Variants in LRP1B observed in about 807,000 individuals in gnomAD.
The protein encoded by LRP1B is LDL receptor related protein 1B.
Under a neutral mutation model 556.6 loss-of-function variants are expected in LRP1B, and 217 were observed. The observed-to-expected ratio is 0.39, with a 90% confidence interval of 0.35 to 0.44. The LOEUF (loss-of-function observed/expected upper bound fraction) is 0.44. Ranked by LOEUF, LRP1B falls within the 20% of genes least tolerant of loss-of-function variation. LRP1B has a pLI of 1.00. For missense variants in LRP1B, 5,053 were observed against 5,620.8 expected (o/e 0.90, Z 3.23); for synonymous variants, 2,047 against 1,865.8 (o/e 1.10, Z -2.50).
intron 6 of LRP1B, 152 bp downstream of exon 6, chr2:141,229,031 C>A (rs769591222): frequency 2.8e-6 from 2 of 723,478 alleles, no homozygotes; most frequent in Admixed American, 2.8e-5. Flanking sequence ...ATATGCAAAA[C>A]ATGTAGTGAA....
intron 41 of LRP1B, among the ~76,000 whole-genome samples, chr2:140,622,451 A>G (rs954869400): frequency 1.3e-5 from 2 of 152,142 alleles, no homozygotes; most frequent in Non-Finnish European, 2.9e-5. Flanking sequence ...CAGTAATCCA[A>G]TCACTGGAGA....
chr2:140,679,635 C>T (rs577104876), intron 41 of LRP1B, among the ~76,000 whole-genome samples: 71 of 152,310 alleles, frequency 4.7e-4, no homozygotes, highest in African/African-American at 1.6e-3. Context: ...TGTGGTGGCT[C>T]GGGTTTCCGT....
At chr2:141,779,573 C>T (rs539225727) in intron 2 of LRP1B, among the ~76,000 whole-genome samples, 83 of 152,004 alleles carry the variant, frequency 5.5e-4, no homozygotes, top group African/African-American at 1.7e-3. Flanking sequence ...CCCACCACCA[C>T]GCCCAGCTAA....
intron 72 of LRP1B, among the ~76,000 whole-genome samples, chr2:140,361,545 C>A (rs1187804751): frequency 6.6e-6 from 1 of 150,550 alleles, no homozygotes; most frequent in Non-Finnish European, 1.5e-5. Flanking sequence ...TTTTCTGGAA[C>A]TCATTTTCCC....
At chr2:141,486,316 C>T (rs1683121027) in intron 2 of LRP1B, among the ~76,000 whole-genome samples, 1 of 152,148 alleles carries the variant, frequency 6.6e-6, no homozygotes. Context: ...ACAAATAATG[C>T]TCCCAGGATA....
At position 142,130,898 on chromosome 2, in the gene LRP1B, T is replaced by G. The variant is rs1214382874; in HGVS notation, c.-169A>C. On this transcript the variant is annotated 5_prime_UTR_variant, in exon 1 of 91. Transcript: ENST00000389484. ...TGAGTCCAGCCAGTCAGCCTTCTCC[T>G]GCCTGGAGCAGGATGTGGAAGGTGG... 1.8e-5 allele frequency: 12 copies of G among 668,792 alleles called. No individual in the cohort carries two copies. Among genetic ancestry groups the G allele is most frequent in the Admixed American group, 8.9e-5 (4 of 45,182 alleles). The allele number at this position is 668,792 out of a possible 1,614,324, so 41.4% of individuals were successfully genotyped here. A position where few individuals can be genotyped will look rare whatever the true frequency, so the allele number is the denominator to read the frequency against.
At chr2:140,876,473 A>G (rs1693308710) in intron 25 of LRP1B, among the ~76,000 whole-genome samples, 1 of 152,176 alleles carries the variant, frequency 6.6e-6, no homozygotes, top group South Asian at 2.1e-4. Context: ...TATTTTATCA[A>G]GGCTTTGACT....
intron 83 of LRP1B, among the ~76,000 whole-genome samples, chr2:140,308,541 C>G (rs1267887320): frequency 6.6e-6 from 1 of 151,796 alleles, no homozygotes; most frequent in Admixed American, 6.6e-5. Flanking sequence ...TGAACCATGA[C>G]GCTTACCCCC....
intron 49 of LRP1B, 93 bp downstream of exon 49, chr2:140,525,751 T>C (rs1353842459): frequency 3.9e-5 from 45 of 1,153,840 alleles, no homozygotes; most frequent in Non-Finnish European, 5.4e-5. Context: ...ATAATTGATA[T>C]TAAGAATAAA....
At chr2:140,555,627 G>A (rs1341427608) in intron 43 of LRP1B, among the ~76,000 whole-genome samples, 2 of 151,998 alleles carry the variant, frequency 1.3e-5, no homozygotes, top group South Asian at 2.1e-4. Flanking sequence ...TGTTAAATAA[G>A]CTTTAAAATC....
chr2:140,321,645 A>C (rs991448660), intron 82 of LRP1B, among the ~76,000 whole-genome samples: 12 of 151,664 alleles, frequency 7.9e-5, no homozygotes, highest in Admixed American at 6.6e-4. Context: ...CCCATAGCAG[A>C]ATGTTCTCAA....
intron 21 of LRP1B, among the ~76,000 whole-genome samples, chr2:140,916,992 A>C (rs1202456040): frequency 6.6e-6 from 1 of 152,172 alleles, no homozygotes; most frequent in East Asian, 1.9e-4. Context: ...CTATACAGAA[A>C]TATCATGTTT....
At chr2:140,510,461 T>C (rs11676154) in intron 51 of LRP1B, among the ~76,000 whole-genome samples, 14,456 of 152,252 alleles carry the variant, frequency 0.095, 994 homozygotes, top group East Asian at 0.33. Flanking sequence ...TATTAACTCA[T>C]TTATTCCTTA....
chr2:141,523,168 A>G (rs1262395984), intron 2 of LRP1B, among the ~76,000 whole-genome samples: 1 of 151,478 alleles, frequency 6.6e-6, no homozygotes, highest in Non-Finnish European at 1.5e-5. Flanking sequence ...GAATTTAAAC[A>G]TGCTCAGGGC....
chr2:142,115,531 AT>A (rs1707173885), intron 1 of LRP1B, among the ~76,000 whole-genome samples: 1 of 50,738 alleles, frequency 2.0e-5, no homozygotes, highest in African/African-American at 5.9e-5. Flanking sequence ...TATAATATAT[AT>A]ATTACATATG....
chr2:140,391,540 G>C (rs1434639345), intron 66 of LRP1B, among the ~76,000 whole-genome samples: 1 of 152,054 alleles, frequency 6.6e-6, no homozygotes, highest in African/African-American at 2.4e-5. Flanking sequence ...AAATTACCTT[G>C]CTATTAGAAT....
intron 2 of LRP1B, among the ~76,000 whole-genome samples, chr2:141,793,037 A>C (rs1367245197): frequency 6.6e-6 from 1 of 151,896 alleles, no homozygotes; most frequent in Non-Finnish European, 1.5e-5. Flanking sequence ...AGGATAAATT[A>C]CATTTTGGTT....
chr2:140,487,669 C>T lies in LRP1B; in HGVS notation c.9191G>A (p.Arg3064Gln), dbSNP rs1196321476. 22 of 1,604,874 alleles carry T rather than the reference C, an allele frequency of 1.4e-5. No homozygotes were observed. The highest frequency in any genetic ancestry group is 2.2e-5 in the East Asian group (1 of 44,458). Residue 3064 changes from arginine to glutamine, a missense_variant, in exon 58 of 91, where the codon CGA (arginine) becomes CAA (glutamine). Physicochemically the swap from Arg to Gln is conservative, Grantham distance 43. Coordinates refer to ENST00000389484, the MANE Select transcript of LRP1B (RefSeq NM_018557.3). ...TCTATTTATGCGACTGCCATTGGGT[C>T]GGCTAGAATCGATCCAATAGATGAA... is the stretch of plus-strand genomic sequence containing the variant. The part of the protein sequence containing the change: ...EEFIYWIDSS[R>Q]PNGSRINRMC...
intron 2 of LRP1B, among the ~76,000 whole-genome samples, chr2:141,578,903 T>G (rs1686856391): frequency 6.6e-6 from 1 of 152,194 alleles, no homozygotes; most frequent in African/African-American, 2.4e-5. Context: ...CTAAAGGAAC[T>G]GAGTTGTAAG....
Sources: allele counts gnomAD v4.1 joint callset (sites outside exome capture counted in the v4.1 genomes callset), GRCh38; gene constraint gnomAD v4.1.1; transcripts MANE v1.5; gene names NCBI Gene and HGNC (gene_info 2026-07-23, HGNC 2026-07-21).